WWOX: variants seen among roughly 807,000 people sequenced by gnomAD.
WWOX encodes WW domain containing oxidoreductase.
A neutral mutation model predicts 46.2 loss-of-function variants in WWOX; 69 were observed. That is an observed-to-expected ratio of 1.49 (90% CI 1.23 to 1.82). WWOX has a LOEUF of 1.82. Ranked by LOEUF, WWOX falls within the 40% of genes most tolerant of loss-of-function variation. WWOX has a pLI of 0.00. For missense variants in WWOX, 919 were observed against 542.6 expected (o/e 1.69, Z -6.89); for synonymous variants, 359 against 202.6 (o/e 1.77, Z -6.56).
At chr16:78,888,919 A>G (rs2044526837) in intron 8 of WWOX, among the ~76,000 whole-genome samples, 1 of 151,738 alleles carries the variant, frequency 6.6e-6, no homozygotes, top group Admixed American at 6.6e-5. Context: ...GGCAATTTCA[A>G]GCTTCTCCTT....
At chr16:78,733,798 G>T (rs150418474) in intron 8 of WWOX, among the ~76,000 whole-genome samples, 1 of 152,028 alleles carries the variant, frequency 6.6e-6, no homozygotes, top group East Asian at 2.0e-4. Flanking sequence ...AGGCACAGTG[G>T]GTCATGCCTG....
chr16:78,368,364 C>T (rs1175927576), intron 5 of WWOX, among the ~76,000 whole-genome samples: 1 of 152,198 alleles, frequency 6.6e-6, no homozygotes, highest in Non-Finnish European at 1.5e-5. Flanking sequence ...ACATGCCCTT[C>T]TGGGGGATGC....
At chr16:78,147,880 T>A (rs909854109) in intron 4 of WWOX, among the ~76,000 whole-genome samples, 4 of 151,710 alleles carry the variant, frequency 2.6e-5, no homozygotes, top group Non-Finnish European at 5.9e-5. Context: ...GGGTGGAAAC[T>A]ATGTTGCCAA....
At chr16:79,066,675 G>A (rs897066812) in intron 8 of WWOX, among the ~76,000 whole-genome samples, 22 of 152,128 alleles carry the variant, frequency 1.4e-4, no homozygotes, top group Non-Finnish European at 2.2e-4. Flanking sequence ...TAATTCAATC[G>A]GCGAATTTGC....
intron 5 of WWOX, among the ~76,000 whole-genome samples, chr16:78,372,720 C>T (rs1189494885): frequency 1.3e-5 from 2 of 152,090 alleles, no homozygotes; most frequent in Non-Finnish European, 2.9e-5. Flanking sequence ...TCAGATTAAT[C>T]TTTATTTAAT....
intron 8 of WWOX, among the ~76,000 whole-genome samples, chr16:78,915,357 C>G (rs1204614972): frequency 6.6e-6 from 1 of 152,174 alleles, no homozygotes; most frequent in Non-Finnish European, 1.5e-5. Flanking sequence ...TCAAAAGACC[C>G]CTTTCACGGG....
At chr16:78,797,106 G>A (rs532285194) in intron 8 of WWOX, among the ~76,000 whole-genome samples, 41 of 152,010 alleles carry the variant, frequency 2.7e-4, no homozygotes, top group African/African-American at 4.3e-4. Flanking sequence ...GGTTGCAGGC[G>A]TGAGCCACTG....
intron 8 of WWOX, among the ~76,000 whole-genome samples, chr16:78,818,021 G>A (rs1214022206): frequency 6.6e-6 from 1 of 152,204 alleles, no homozygotes; most frequent in Non-Finnish European, 1.5e-5. Context: ...GAAGCTGACT[G>A]AGATGGAGTC....
intron 6 of WWOX, among the ~76,000 whole-genome samples, chr16:78,407,201 C>T (rs746722543): frequency 2.7e-4 from 41 of 152,136 alleles, no homozygotes; most frequent in African/African-American, 8.2e-4. Flanking sequence ...GACAGTTGAA[C>T]ACCAGCAAAG....
At chr16:78,809,849 C>A (rs755259565) in intron 8 of WWOX, among the ~76,000 whole-genome samples, 1 of 152,080 alleles carries the variant, frequency 6.6e-6, no homozygotes, top group Admixed American at 6.5e-5. Context: ...GGATGATGAC[C>A]CTCTATGGCA....
chr16:78,491,114 T>C (rs564207273), intron 8 of WWOX, among the ~76,000 whole-genome samples: 1 of 152,326 alleles, frequency 6.6e-6, no homozygotes, highest in Admixed American at 6.5e-5. Flanking sequence ...CTGCCTGCCA[T>C]GCTCGTGCTT....
chr16:78,391,221 A>G (rs1016292785), intron 6 of WWOX, among the ~76,000 whole-genome samples: 1 of 152,198 alleles, frequency 6.6e-6, no homozygotes. Flanking sequence ...GCTGTTGTAG[A>G]GGGAGCCCTC....
At position 79,086,547 on chromosome 16, in the gene WWOX, C is replaced by A. The variant is rs566277270; in HGVS notation, c.1057-125061C>A. 5.9e-5 allele frequency among the ~76,000 whole-genome samples: 9 copies of A among 152,224 alleles called. No individual in the cohort carries two copies. In the South Asian group the frequency reaches 1.7e-3, roughly 28 times the overall value. On this transcript the variant is annotated intron_variant, in intron 8 of 8. Coordinates refer to ENST00000566780, the MANE Select transcript of WWOX (RefSeq NM_016373.4). ...TTCTAAAGTAATGAATGCTTCTCTC[C>A]CTCTGGAGTTAGAGACCTGACTCTG...
At chr16:78,710,480 ATATATATATATATATATATT>A (rs1330471728) in intron 8 of WWOX, among the ~76,000 whole-genome samples, 1 of 126,892 alleles carries the variant, frequency 7.9e-6, no homozygotes, top group Non-Finnish European at 1.6e-5. Flanking sequence ...TCTCATATAT[ATATATATATATATATATATT>A]TATATAAATA....
At chr16:79,083,474 G>T (rs1290081830) in intron 8 of WWOX, among the ~76,000 whole-genome samples, 1 of 152,148 alleles carries the variant, frequency 6.6e-6, no homozygotes, top group Admixed American at 6.5e-5. Flanking sequence ...GATTTTGGAG[G>T]TATCGGCTGT....
intron 8 of WWOX, among the ~76,000 whole-genome samples, chr16:78,937,448 C>CTTTTTTTTTTTTTTTTTTTTTTT (rs537642648): frequency 1.2e-5 from 1 of 81,994 alleles, no homozygotes; most frequent in Non-Finnish European, 2.2e-5. Flanking sequence ...TTTGTATTAA[C>CTTTTTTTTTTTTTTTTTTTTTTT]TTTTTTTTTT....
At position 78,341,654 on chromosome 16, in the gene WWOX, G is replaced by C. The variant is rs1387866998; in HGVS notation, c.517-45206G>C. Among the ~76,000 whole-genome samples, 2 of 119,506 alleles carry C rather than the reference G, an allele frequency of 1.7e-5. 1 individual carries two copies. Among genetic ancestry groups the C allele is most frequent in the African/African-American group, 5.7e-5 (2 of 35,238 alleles). 78.4% of individuals were successfully genotyped at this position (119,506 alleles called of 152,430 possible). On this transcript the variant is annotated intron_variant, in intron 5 of 8. Transcript: ENST00000566780. ...GATGGGATAGGTGGGCAACATGCAG[G>C]AGAAACCTCCTGGGAAAGGTGAGCA...
At chr16:78,410,760 C>T (rs1567555986) in intron 6 of WWOX, among the ~76,000 whole-genome samples, 2 of 144,564 alleles carry the variant, frequency 1.4e-5, no homozygotes, top group African/African-American at 5.2e-5. Flanking sequence ...CAACTGAGAT[C>T]ACACCACTGC....
At chr16:78,272,969 A>G (rs1178460375) in intron 5 of WWOX, among the ~76,000 whole-genome samples, 1 of 152,200 alleles carries the variant, frequency 6.6e-6, no homozygotes, top group Non-Finnish European at 1.5e-5. Flanking sequence ...AATCTGGGAC[A>G]TAATAATAGA....
Sources: allele counts gnomAD v4.1 joint callset (sites outside exome capture counted in the v4.1 genomes callset), GRCh38; gene constraint gnomAD v4.1.1; transcripts MANE v1.5; gene names NCBI Gene and HGNC (gene_info 2026-07-23, HGNC 2026-07-21).